Variants in CSNK1G3 observed in about 807,000 individuals in gnomAD.
The protein encoded by CSNK1G3 is casein kinase 1 gamma 3, also known as casein kinase I isoform gamma-3.
CSNK1G3 carries 23 observed loss-of-function variants against 64.3 expected under a neutral mutation model. That is an observed-to-expected ratio of 0.36 (90% confidence interval 0.26 to 0.51). CSNK1G3 has a LOEUF of 0.51. CSNK1G3 is among the 20% of genes least tolerant of loss of function. The pLI is 0.96. For synonymous variants in CSNK1G3, 158 were observed against 162.2 expected (o/e 0.97, Z 0.20); for missense variants, 357 against 510.5 (o/e 0.70, Z 2.90).
At chr5:123,588,388 A>T in intron 7 of CSNK1G3, 39 bp from the exon 8 acceptor site, 1 of 1,497,636 alleles carries the variant, frequency 6.7e-7, no homozygotes, top group Non-Finnish European at 9.3e-7. Flanking sequence ...AATAATTTTT[A>T]AATTACCACA....
At chr5:123,581,037 T>G (rs1003005332) in intron 6 of CSNK1G3, among the ~76,000 whole-genome samples, 1 of 151,956 alleles carries the variant, frequency 6.6e-6, no homozygotes, top group African/African-American at 2.4e-5. Flanking sequence ...TAATTTAATT[T>G]CTAGGTTAAT....
Position 123,609,968 on chromosome 5 carries a change from G to A in CSNK1G3, c.1218-4374G>A, listed in dbSNP as rs181301884. Among the ~76,000 whole-genome samples, 8 of 152,270 alleles carry A rather than the reference G, an allele frequency of 5.3e-5. No homozygotes were observed. The East Asian group carries it at 1.2e-3, about 22-fold the overall frequency. On this transcript the variant is annotated intron_variant, in intron 12 of 12. Transcript: ENST00000345990. ...ATTGGAGAGAGGAGAGACTTAGACT[G>A]GGAAGTCCTTTAAAAGGTGCTTAGC...
At chr5:123,591,884 A>G (rs1433963791) in intron 10 of CSNK1G3, among the ~76,000 whole-genome samples, 1 of 152,138 alleles carries the variant, frequency 6.6e-6, no homozygotes, top group Non-Finnish European at 1.5e-5. Flanking sequence ...AGAATCAGGC[A>G]TACATGGATA....
intron 1 of CSNK1G3, among the ~76,000 whole-genome samples, chr5:123,537,505 GC>G (rs1234710066): frequency 6.6e-6 from 1 of 152,042 alleles, no homozygotes; most frequent in Non-Finnish European, 1.5e-5. Flanking sequence ...GATGGTAAAA[GC>G]CCTGAGGTTG....
At chr5:123,569,728 A>G (rs1787696226) in intron 4 of CSNK1G3, among the ~76,000 whole-genome samples, 1 of 152,154 alleles carries the variant, frequency 6.6e-6, no homozygotes, top group Non-Finnish European at 1.5e-5. Context: ...GAGTCTCTTC[A>G]TTCATTCTTG....
chr5:123,585,036 A>G (rs890238956), intron 6 of CSNK1G3, among the ~76,000 whole-genome samples: 2 of 151,940 alleles, frequency 1.3e-5, no homozygotes, highest in African/African-American at 2.4e-5. Flanking sequence ...TTCATTACTG[A>G]TTGTCCATTG....
chr5:123,583,400 G>A (rs1365118979), intron 6 of CSNK1G3, among the ~76,000 whole-genome samples: 4 of 143,894 alleles, frequency 2.8e-5, no homozygotes, highest in Non-Finnish European at 6.0e-5. Context: ...CGCTCTTGTT[G>A]CGCAGGCTGG....
intron 6 of CSNK1G3, among the ~76,000 whole-genome samples, chr5:123,579,168 G>C (rs1421701597): frequency 6.6e-6 from 1 of 151,644 alleles, no homozygotes; most frequent in South Asian, 2.1e-4. Flanking sequence ...GCATGTCCCT[G>C]CTCTGCCTCT....
At chr5:123,559,066 T>C (rs1421718110) in intron 4 of CSNK1G3, among the ~76,000 whole-genome samples, 1 of 152,218 alleles carries the variant, frequency 6.6e-6, no homozygotes, top group Non-Finnish European at 1.5e-5. Context: ...CCTAAAAATT[T>C]CAGCAAAAGT....
chr5:123,532,411 ATTAC>A (rs1780084590), intron 1 of CSNK1G3, among the ~76,000 whole-genome samples: 1 of 151,910 alleles, frequency 6.6e-6, no homozygotes, highest in African/African-American at 2.4e-5. Context: ...AAGTGCTGAT[ATTAC>A]TTAAGTTTTT....
intron 5 of CSNK1G3, among the ~76,000 whole-genome samples, chr5:123,575,121 A>G (rs1028367904): frequency 6.6e-6 from 1 of 152,212 alleles, no homozygotes; most frequent in African/African-American, 2.4e-5. Flanking sequence ...ATAATTAACA[A>G]AAATGAGCTA....
exon 9 of CSNK1G3, chr5:123,590,488 T>C: frequency 6.5e-7 from 1 of 1,542,508 alleles, no homozygotes; most frequent in Non-Finnish European, 8.7e-7. Flanking sequence ...TTAAGAAAGC[T>C]TTTTACTGAC....
At chr5:123,554,405 C>G (rs1413496934) in intron 3 of CSNK1G3, among the ~76,000 whole-genome samples, 2 of 152,098 alleles carry the variant, frequency 1.3e-5, no homozygotes, top group Non-Finnish European at 2.9e-5. Flanking sequence ...GAGTGAATTT[C>G]TAACTAATAA....
At chr5:123,578,302 G>T (rs1016930408) in intron 6 of CSNK1G3, among the ~76,000 whole-genome samples, 1 of 151,644 alleles carries the variant, frequency 6.6e-6, no homozygotes, top group African/African-American at 2.4e-5. Context: ...AATTTTGTTT[G>T]TTTCATAATC....
intron 1 of CSNK1G3, among the ~76,000 whole-genome samples, chr5:123,531,727 A>T (rs78273982): frequency 6.6e-6 from 1 of 152,108 alleles, no homozygotes; most frequent in African/African-American, 2.4e-5. Context: ...TTTTATTACC[A>T]TTTATTCACA....
intron 1 of CSNK1G3, among the ~76,000 whole-genome samples, chr5:123,530,746 T>C (rs2150087191): frequency 1.3e-5 from 2 of 152,366 alleles, no homozygotes; most frequent in South Asian, 4.1e-4. Context: ...GTTTCAAAAC[T>C]GTAAAGTGTT....
intron 1 of CSNK1G3, among the ~76,000 whole-genome samples, chr5:123,532,649 T>G (rs1780122979): frequency 6.6e-6 from 1 of 151,854 alleles, no homozygotes; most frequent in Admixed American, 6.6e-5. Context: ...CTGTTTTCAT[T>G]AAAAGTAAGC....
intron 2 of CSNK1G3, chr5:123,546,070 T>C (rs950868481): frequency 9.4e-6 from 4 of 425,766 alleles, no homozygotes; most frequent in Non-Finnish European, 1.7e-5. Context: ...ATCCAGATTA[T>C]GAGAAAACAA....
At chr5:123,522,462 C>T (rs1201351169) in intron 1 of CSNK1G3, among the ~76,000 whole-genome samples, 1 of 148,754 alleles carries the variant, frequency 6.7e-6, no homozygotes, top group Non-Finnish European at 1.5e-5. Context: ...GAGATGACAC[C>T]ATTGCACTCC....
Sources: allele counts gnomAD v4.1 joint callset (sites outside exome capture counted in the v4.1 genomes callset), GRCh38; gene constraint gnomAD v4.1.1; transcripts MANE v1.5; gene names NCBI Gene and HGNC (gene_info 2026-07-23, HGNC 2026-07-21).